The following KANK3 variants were observed in gnomAD, a reference collection of about 807,000 sequenced individuals.
The protein encoded by KANK3 is KN motif and ankyrin repeat domain-containing protein 3.
In KANK3, 61 loss-of-function variants were observed where a neutral mutation model predicts 65.4. The ratio of observed to expected loss-of-function variants is 0.93; its 90% CI spans 0.76 to 1.15. The LOEUF (loss-of-function observed/expected upper bound fraction) is 1.15. KANK3 is among the 50% of genes most tolerant of loss of function. The pLI is 0.00. For missense variants in KANK3, 1,187 were observed against 1,178.8 expected, an observed-to-expected ratio of 1.01 and a Z score of -0.10; for synonymous variants, 586 against 543.3, an observed-to-expected ratio of 1.08 and a Z score of -1.09.
chr19:8,335,443 CG>C lies in KANK3; in HGVS notation c.383del (p.Pro128ArgfsTer213). 2 of 1,221,182 alleles carry C rather than the reference CG, an allele frequency of 1.6e-6. No individual in the cohort carries two copies. Among genetic ancestry groups the C allele is most frequent in the Middle Eastern group, 2.9e-4 (1 of 3,414 alleles). 75.6% of individuals were successfully genotyped at this position (1,221,182 alleles called of 1,614,324 possible). On this transcript the variant is annotated frameshift_variant, in exon 3 of 11. Coordinates refer to ENST00000330915, the MANE Select transcript of KANK3 (RefSeq NM_198471.3). LOFTEE classifies it high-confidence loss of function. ...TCTCCCGGAGCGTGTGCTCGACGCG[CG>C]GGTTGCGCACGGGCGCGCGCGGCGA... is the stretch of plus-strand genomic sequence containing the variant. ...PLSPRAPVRN[P>X]RVEHTLRETS... is the part of the protein sequence containing the mutation.
intron 7 of KANK3, among the ~76,000 whole-genome samples, chr19:8,331,222 G>C (rs953444497): frequency 6.6e-6 from 1 of 151,798 alleles, no homozygotes; most frequent in Non-Finnish European, 1.5e-5. Context: ...AAAGGGGTGG[G>C]GGGGGGATTC....
chr19:8,337,949 C>G (rs1237133487), intron 1 of KANK3, 93 bp from the exon 2 acceptor site: 22 of 1,519,856 alleles, frequency 1.4e-5, no homozygotes, highest in South Asian at 2.4e-5. Context: ...GACCCAAGAG[C>G]TCTCCTCCAC....
intron 1 of KANK3, 147 bp from the exon 2 acceptor site, chr19:8,338,003 A>G: frequency 7.1e-7 from 1 of 1,409,658 alleles, no homozygotes; most frequent in Non-Finnish European, 9.3e-7. Context: ...CCTCTTCCCT[A>G]AAGAAACCTT....
intron 7 of KANK3, among the ~76,000 whole-genome samples, chr19:8,331,445 G>T (rs1319132394): frequency 5.9e-5 from 9 of 152,102 alleles, no homozygotes; most frequent in Non-Finnish European, 1.3e-4. Flanking sequence ...GGATGGGAGG[G>T]ATCTGCGTGT....
intron 1 of KANK3, among the ~76,000 whole-genome samples, chr19:8,339,736 C>T (rs1970697842): frequency 6.6e-6 from 1 of 151,930 alleles, no homozygotes; most frequent in Non-Finnish European, 1.5e-5. Context: ...GCTCTCCAGC[C>T]TGGGCAACAA....
At chr19:8,342,453 G>A (rs1250068081) in intron 1 of KANK3, among the ~76,000 whole-genome samples, 1 of 152,132 alleles carries the variant, frequency 6.6e-6, no homozygotes, top group Non-Finnish European at 1.5e-5. Context: ...AGCTAGATCC[G>A]GATTCTGTGC....
Position 8,333,897 on chromosome 19 carries a change from G to A in KANK3, c.1634+13C>T, listed in dbSNP as rs749487859. The A allele has an allele frequency of 1.0e-5, 16 of 1,574,746 alleles. No individual in the cohort carries two copies. The highest frequency in any genetic ancestry group is 2.7e-5 in the African/African-American group (2 of 73,748). On this transcript the variant is annotated intron_variant, in intron 5 of 10. Transcript: ENST00000330915. The surrounding 1 kb of genome is among the most constrained non-coding windows in gnomAD (Gnocchi z 5.0). Reference sequence around the variant, plus strand: ...GCCGCCTCCTCTCCAAACAACTAGCGAGCGCCGCTCACCTCCCCTGTGCCA... The same window carrying A: ...GCCGCCTCCTCTCCAAACAACTAGCAAGCGCCGCTCACCTCCCCTGTGCCA...
Position 8,324,557 on chromosome 19 carries a change from G to T in KANK3, c.2284-10C>A. 1.9e-6 allele frequency: 3 copies of T among 1,613,364 alleles called. No individual in the cohort carries two copies. The highest frequency in any genetic ancestry group is 2.2e-5 in the South Asian group (2 of 91,076). ...GGGCACTGGTGCCCTCCTGTGGAAC[G>T]TTAGGGACAGTCAGATCCCTGAGCC... On this transcript the variant is annotated splice_polypyrimidine_tract_variant and intron_variant, in intron 9 of 10. Coordinates refer to ENST00000330915, the MANE Select transcript of KANK3 (RefSeq NM_198471.3).
At position 8,333,696 on chromosome 19, in the gene KANK3, C is replaced by T. The variant is rs890939359; in HGVS notation, c.1719+28G>A. 5 of 1,435,670 alleles carry T rather than the reference C, an allele frequency of 3.5e-6. No homozygotes were observed. Among genetic ancestry groups the T allele is most frequent in the Admixed American group, 5.6e-5 (2 of 35,868 alleles). 88.9% of individuals were successfully genotyped at this position (1,435,670 alleles called of 1,614,324 possible). A position where few individuals can be genotyped will look rare whatever the true frequency, so the allele number is the denominator to read the frequency against. ...GTCCTTGGAGGCTCCCACGCCACTC[C>T]CTGGTGCTGCGCTCCCGGGGCACTC... On this transcript the variant is annotated intron_variant, in intron 6 of 10. Transcript: ENST00000330915. This position sits in a 1 kb window ranked among gnomAD's most constrained non-coding sequence, Gnocchi z 5.0.
intron 2 of KANK3, among the ~76,000 whole-genome samples, chr19:8,337,345 A>G (rs1016968364): frequency 9.2e-5 from 14 of 151,850 alleles, no homozygotes; most frequent in African/African-American, 3.1e-4. Flanking sequence ...CTGGGACTAC[A>G]GGGGCACCAC....
At chr19:8,341,223 C>CTTT (rs34406874) in intron 1 of KANK3, among the ~76,000 whole-genome samples, 1 of 138,714 alleles carries the variant, frequency 7.2e-6, no homozygotes, top group African/African-American at 2.7e-5. Context: ...TGGATATTTA[C>CTTT]TTTTTTTTTT....
chr19:8,330,980 T>G (rs1599645334), intron 7 of KANK3, among the ~76,000 whole-genome samples: 1 of 151,018 alleles, frequency 6.6e-6, no homozygotes, highest in Admixed American at 6.6e-5. Flanking sequence ...GGCAGATGAG[T>G]TGAGGTAAGC....
Position 8,322,870 on chromosome 19 carries a change from C to T in KANK3, c.2435G>A (p.Gly812Asp). Residue 812 changes from glycine (G) to aspartate (D), a missense_variant, in exon 11 of 11, where the codon GGT becomes GAT. Around this residue, in one of 3 missense-constraint regions of KANK3, gnomAD observed 1,078 missense variants for 1,038.2 expected, o/e 1.04. Coordinates refer to ENST00000330915, the MANE Select transcript of KANK3 (RefSeq NM_198471.3). ...QTATPGEGECGDNGENPQVQ is the reference protein window; with the variant it reads ...QTATPGEGECDDNGENPQVQ ...AACCTGGGGGTTCTCTCCATTGTCA[C>T]CGCATTCTCCTTCACCAGGTGTGGC... The T allele has an allele frequency of 6.3e-6, 10 of 1,590,446 alleles. No individual in the cohort carries two copies. The highest frequency in any genetic ancestry group is 8.6e-6 in the Non-Finnish European group (10 of 1,168,216).
Position 8,324,618 on chromosome 19 carries a change from G to T in KANK3, c.2283+12C>A, listed in dbSNP as rs752268165. On this transcript the variant is annotated intron_variant, in intron 9 of 10. Coordinates refer to ENST00000330915, the MANE Select transcript of KANK3 (RefSeq NM_198471.3). ...CACCCCCCAAGATGCCAGCCCCATT[G>T]TGGGGTCTTACATTGTCCAGGATGG... The T allele has an allele frequency of 2.5e-6, 4 of 1,613,482 alleles. No homozygotes were observed. The highest frequency in any genetic ancestry group is 2.5e-6 in the Non-Finnish European group (3 of 1,179,528).
chr19:8,337,969 TCC>T, intron 1 of KANK3, 113 bp from the exon 2 acceptor site: 1 of 1,303,682 alleles, frequency 7.7e-7, no homozygotes, highest in Non-Finnish European at 9.9e-7. Flanking sequence ...CCCAGCCACC[TCC>T]CTCCACACAT....
chr19:8,335,464 C>G lies in KANK3; in HGVS notation c.363G>C (p.Pro121=). 1.6e-6 allele frequency: 2 copies of G among 1,231,560 alleles called. No individual in the cohort carries two copies. Among genetic ancestry groups the G allele is most frequent in the Non-Finnish European group, 2.0e-6 (2 of 984,394 alleles). The allele number at this position is 1,231,560 out of a possible 1,614,324, so 76.3% of individuals were successfully genotyped here. The change falls in exon 3 of 11, where the codon CCG becomes CCC. Residue 121 remains proline, a synonymous_variant. Coordinates refer to ENST00000330915, the MANE Select transcript of KANK3 (RefSeq NM_198471.3). ...PSGLLMQPLS[P]RAPVRNPRVE... is the part of the protein sequence containing the mutation. ...CGCGCGGGTTGCGCACGGGCGCGCG[C>G]GGCGACAGCGGCTGCATCAGGAGCC... is the stretch of plus-strand genomic sequence containing the variant.
chr19:8,335,190 G>T lies in KANK3; in HGVS notation c.637C>A (p.Gln213Lys). The T allele has an allele frequency of 8.2e-7, 1 of 1,215,568 alleles. No individual in the cohort carries two copies. The highest frequency in any genetic ancestry group is 1.0e-6 in the Non-Finnish European group (1 of 978,056). 75.3% of individuals were successfully genotyped at this position (1,215,568 alleles called of 1,614,324 possible). Residue 213 changes from glutamine (Q) to lysine (K), a missense_variant, in exon 3 of 11, where the codon CAG becomes AAG. By Grantham distance (53) the Gln-to-Lys change is moderately conservative (BLOSUM62 1). Coordinates refer to ENST00000330915, the MANE Select transcript of KANK3 (RefSeq NM_198471.3). ...QARTLPELQEQVRALRAEKAR... is the reference protein window; with the variant it reads ...QARTLPELQEKVRALRAEKAR... ...TTCTCGGCGCGCAGCGCGCGCACCTGCTCCTGCAGCTCGGGCAGCGTTCGC... is the reference window on the plus strand; with the variant it reads ...TTCTCGGCGCGCAGCGCGCGCACCTTCTCCTGCAGCTCGGGCAGCGTTCGC...
chr19:8,334,206 G>T, intron 4 of KANK3, 90 bp from the exon 5 acceptor site: 1 of 1,516,966 alleles, frequency 6.6e-7, no homozygotes, highest in Non-Finnish European at 8.8e-7. Context: ...CCCATTTAAC[G>T]ATGAGGAAAC....
chr19:8,324,375 CAG>C (rs1970379954), intron 10 of KANK3, 72 bp downstream of exon 10: 4 of 1,353,924 alleles, frequency 3.0e-6, no homozygotes, highest in African/African-American at 2.9e-5. Context: ...AAGGGAGGCT[CAG>C]GGCATATTTA....
Sources: allele counts gnomAD v4.1 joint callset (sites outside exome capture counted in the v4.1 genomes callset), GRCh38; gene constraint gnomAD v4.1.1; regional missense constraint gnomAD v4.1.1; non-coding constraint Gnocchi (gnomAD v3.1); transcripts MANE v1.5; gene names NCBI Gene and HGNC (gene_info 2026-07-23, HGNC 2026-07-21).